IPO11: variants seen among roughly 807,000 people sequenced by gnomAD.
IPO11 encodes importin-11.
Under a neutral mutation model 143.2 loss-of-function variants are expected in IPO11, and 66 were observed. That is an observed-to-expected ratio of 0.46 (90% confidence interval 0.38 to 0.57). The LOEUF is 0.57. Among genes scored for constraint, IPO11 ranks in the 20% least tolerant of loss-of-function variants. IPO11 has a pLI of 0.00. For missense variants in IPO11, 1,026 were observed against 1,141.0 expected, an observed-to-expected ratio of 0.90 and a Z score of 1.45; for synonymous variants, 385 against 377.8, an observed-to-expected ratio of 1.02 and a Z score of -0.22.
chr5:62,546,237 G>A (rs538993848), intron 24 of IPO11, among the ~76,000 whole-genome samples: 80 of 152,250 alleles, frequency 5.3e-4, no homozygotes, highest in African/African-American at 1.6e-3. Flanking sequence ...AGAAAATGTG[G>A]CACATATACA....
At chr5:62,583,538 A>G (rs1370643713) in intron 27 of IPO11, among the ~76,000 whole-genome samples, 1 of 152,170 alleles carries the variant, frequency 6.6e-6, no homozygotes, top group East Asian at 1.9e-4. Flanking sequence ...ATATGGAGCC[A>G]TAGTTCTATA....
chr5:62,577,418 C>T (rs1320975566), intron 27 of IPO11, among the ~76,000 whole-genome samples: 1 of 151,992 alleles, frequency 6.6e-6, no homozygotes, highest in Non-Finnish European at 1.5e-5. Context: ...GGTTATATTA[C>T]TTTGTGGGTT....
At chr5:62,625,186 TATA>T (rs1746521352) in intron 29 of IPO11, among the ~76,000 whole-genome samples, 1 of 152,108 alleles carries the variant, frequency 6.6e-6, no homozygotes. Context: ...TGTAGTGAAA[TATA>T]ATGGGAAACT....
At chr5:62,496,295 AAG>A (rs1402290115) in intron 16 of IPO11, among the ~76,000 whole-genome samples, 1 of 151,934 alleles carries the variant, frequency 6.6e-6, no homozygotes, top group Non-Finnish European at 1.5e-5. Flanking sequence ...CAAAAAAAAA[AAG>A]AAAAAAAAAA....
chr5:62,558,484 G>A (rs981018240), intron 26 of IPO11, among the ~76,000 whole-genome samples: 6 of 152,098 alleles, frequency 3.9e-5, no homozygotes, highest in Non-Finnish European at 8.8e-5. Context: ...TAAAGTTTAG[G>A]TGCAAAGATG....
chr5:62,483,962 G>T lies in IPO11; in HGVS notation c.1022-48G>T, dbSNP rs769671205. 3 of 1,464,862 alleles carry T rather than the reference G, an allele frequency of 2.0e-6. No individual in the cohort carries two copies. The South Asian group carries it at 3.8e-5, about 18-fold the overall frequency. The allele number at this position is 1,464,862 out of a possible 1,614,324, so 90.7% of individuals were successfully genotyped here. A position where few individuals can be genotyped will look rare whatever the true frequency, so the allele number is the denominator to read the frequency against. On this transcript the variant is annotated intron_variant, in intron 10 of 29. Transcript: ENST00000325324. ...TATTTAAGTTACATAATCCAATGTA[G>T]CTACAATGTTTGGCTATACAATTAA...
intron 1 of IPO11, chr5:62,422,604 A>G (rs1743553251): frequency 6.6e-6 from 1 of 152,134 alleles, no homozygotes; most frequent in Admixed American, 6.6e-5. Flanking sequence ...ATAATGTATA[A>G]CTTTTCTTAT....
chr5:62,515,809 G>A (rs1328838561), intron 20 of IPO11, among the ~76,000 whole-genome samples: 2 of 151,964 alleles, frequency 1.3e-5, no homozygotes, highest in African/African-American at 4.8e-5. Flanking sequence ...GGGCTTTTCT[G>A]CTTAAACATA....
chr5:62,453,196 T>G (rs1223521782), intron 5 of IPO11, among the ~76,000 whole-genome samples: 1 of 151,080 alleles, frequency 6.6e-6, no homozygotes, highest in African/African-American at 2.5e-5. Context: ...CTTTAAATAT[T>G]GCTCATGCCT....
At position 62,427,287 on chromosome 5, in the gene IPO11, A is replaced by G. The variant is rs115559116; in HGVS notation, c.-6-9987A>G. On this transcript the variant is annotated intron_variant, in intron 1 of 29. Transcript: ENST00000325324. ...GTTTGCAGGTTTTTTGAAAACTCCA[A>G]GCAGAAGTTTGTAGGTCCTTTGAAA... 7.3e-3 allele frequency among the ~76,000 whole-genome samples: 1,104 copies of G among 152,240 alleles called. 14 individuals carry two copies. The highest frequency in any genetic ancestry group is 0.025 in the African/African-American group (1,039 of 41,546).
intron 27 of IPO11, among the ~76,000 whole-genome samples, chr5:62,582,036 G>A (rs1744586690): frequency 1.3e-5 from 2 of 152,194 alleles, no homozygotes. Context: ...GTGAATGATG[G>A]TGTGCGATTT....
At chr5:62,619,264 A>G (rs529630720) in intron 29 of IPO11, among the ~76,000 whole-genome samples, 102 of 152,272 alleles carry the variant, frequency 6.7e-4, no homozygotes, top group Admixed American at 2.3e-3. Flanking sequence ...TCTTTTAGCA[A>G]TAGCTTGTCT....
chr5:62,431,095 A>G (rs984619249), intron 1 of IPO11, among the ~76,000 whole-genome samples: 7 of 150,530 alleles, frequency 4.7e-5, no homozygotes, highest in Non-Finnish European at 1.0e-4. Flanking sequence ...TTGTGCCTCA[A>G]CCTCCTGAGT....
At chr5:62,625,908 C>T (rs1159339906) in intron 29 of IPO11, among the ~76,000 whole-genome samples, 1 of 152,298 alleles carries the variant, frequency 6.6e-6, no homozygotes, top group East Asian at 1.9e-4. Flanking sequence ...GAGTAATCTT[C>T]TTAATTTGGA....
chr5:62,579,872 CT>C (rs1744477697), intron 27 of IPO11: 1 of 1,550,234 alleles, frequency 6.5e-7, no homozygotes, highest in Non-Finnish European at 8.7e-7. Flanking sequence ...AATCAGGTAT[CT>C]TTTGTTCCGA....
rs1362839171 is a variant in IPO11, at chr5:62,456,367, T to TA, written c.516+4434_516+4435insA. Reference sequence around the variant, plus strand: ...AAACCTAAATATAATAAAATGGACATTAACCACTGTTAAAATCCAAAGTCA... The same window carrying TA: ...AAACCTAAATATAATAAAATGGACATATAACCACTGTTAAAATCCAAAGTCA... On this transcript the variant is annotated intron_variant, in intron 5 of 29. Coordinates refer to ENST00000325324, the MANE Select transcript of IPO11 (RefSeq NM_016338.5). 2.9e-4 allele frequency among the ~76,000 whole-genome samples: 44 copies of TA among 152,294 alleles called. 1 individual carries two copies. In the Middle Eastern group the frequency reaches 0.024, roughly 82 times the overall value.
rs535825161 is a variant in IPO11, at chr5:62,564,189, G to GAA, written c.2582+2941_2582+2942dup. Among the ~76,000 whole-genome samples, 1,024 of 147,036 alleles carry GAA rather than the reference G, an allele frequency of 7.0e-3. 13 individuals carry two copies. The highest frequency in any genetic ancestry group is 0.024 in the African/African-American group (965 of 40,174). On this transcript the variant is annotated intron_variant, in intron 27 of 29. Coordinates refer to ENST00000325324, the MANE Select transcript of IPO11 (RefSeq NM_016338.5). ...AATCTGTATCAACCTGTAACAATCT[G>GAA]AAAAAAAAAACCTTTATTGCAGTAG...
At chr5:62,461,655 A>T (rs1280755020) in intron 5 of IPO11, among the ~76,000 whole-genome samples, 1 of 152,134 alleles carries the variant, frequency 6.6e-6, no homozygotes, top group Non-Finnish European at 1.5e-5. Context: ...TTTGTTTTTA[A>T]ATTTCCATAC....
chr5:62,415,359 A>G (rs1338455086), intron 1 of IPO11, among the ~76,000 whole-genome samples: 1 of 149,452 alleles, frequency 6.7e-6, no homozygotes, highest in East Asian at 2.0e-4. Context: ...ACAGGGTTTC[A>G]CCATTTTGGC....
Sources: gnomAD v4.1 joint callset for allele counts (sites outside exome capture counted in the v4.1 genomes callset) on GRCh38, gnomAD v4.1.1 for gene constraint, MANE v1.5 for transcripts, NCBI Gene and HGNC (gene_info 2026-07-23, HGNC 2026-07-21) for gene names.